Variants in CNTNAP4 observed in about 807,000 individuals in gnomAD.
The protein encoded by CNTNAP4 is contactin associated protein family member 4, also known as contactin-associated protein-like 4.
Under a neutral mutation model 148.4 loss-of-function variants are expected in CNTNAP4, and 98 were observed. The observed-to-expected ratio is 0.66, with a 90% CI of 0.56 to 0.78. The LOEUF (loss-of-function observed/expected upper bound fraction) is 0.78. Ranked by LOEUF, CNTNAP4 falls within the 30% of genes least tolerant of loss-of-function variation. CNTNAP4 has a pLI of 0.00. For synonymous variants in CNTNAP4, 730 were observed against 565.1 expected (o/e 1.29, Z -4.14); for missense variants, 1,935 against 1,565.6 (o/e 1.24, Z -3.98).
At chr16:76,403,745 G>T (rs146868491) in intron 3 of CNTNAP4, among the ~76,000 whole-genome samples, 2 of 152,088 alleles carry the variant, frequency 1.3e-5, no homozygotes, top group African/African-American at 4.8e-5. Context: ...ACACATGCAC[G>T]CAAATGTTTA....
At chr16:76,355,249 C>A in intron 2 of CNTNAP4, 69 bp from the exon 3 acceptor site, 1 of 1,240,022 alleles carries the variant, frequency 8.1e-7, no homozygotes, top group South Asian at 1.8e-5. Context: ...ACTGGCATTT[C>A]TTTACAAACA....
chr16:76,418,453 T>C (rs1340535789), intron 3 of CNTNAP4, among the ~76,000 whole-genome samples: 1 of 151,184 alleles, frequency 6.6e-6, no homozygotes, highest in African/African-American at 2.4e-5. Flanking sequence ...AATCTTCTGA[T>C]CTTTTGTTGG....
At chr16:76,281,428 C>T (rs1958684713) in intron 1 of CNTNAP4, among the ~76,000 whole-genome samples, 1 of 152,022 alleles carries the variant, frequency 6.6e-6, no homozygotes, top group African/African-American at 2.4e-5. Flanking sequence ...TTATTACATG[C>T]ATCTCAATAA....
intron 21 of CNTNAP4, among the ~76,000 whole-genome samples, chr16:76,541,562 C>T (rs2084456268): frequency 6.6e-6 from 1 of 152,120 alleles, no homozygotes; most frequent in African/African-American, 2.4e-5. Context: ...TGACACTAAT[C>T]TGAAATATTT....
chr16:76,460,842 T>C (rs1232988066), intron 8 of CNTNAP4, among the ~76,000 whole-genome samples: 1 of 145,606 alleles, frequency 6.9e-6, no homozygotes, highest in African/African-American at 2.5e-5. Flanking sequence ...CATTGTTTAC[T>C]ATAGTTATGT....
At chr16:76,300,384 C>CTGTGCTGTTGG (rs1959828673) in intron 1 of CNTNAP4, among the ~76,000 whole-genome samples, 1 of 152,080 alleles carries the variant, frequency 6.6e-6, no homozygotes, top group Admixed American at 6.6e-5. Flanking sequence ...GGGAACATCA[C>CTGTGCTGTTGG]ACACCAGGGC....
rs1314078454 is a variant in CNTNAP4 at position 76,540,744 on chromosome 16, C to T, written c.3396C>T (p.Gly1132=). 4 of 1,577,480 alleles carry T rather than the reference C, an allele frequency of 2.5e-6. No homozygotes were observed. The highest frequency in any genetic ancestry group is 2.3e-5 in the South Asian group (2 of 85,802). Residue 1132 remains glycine (G), a synonymous_variant, in exon 21 of 24, where the codon GGC becomes GGT. Transcript: ENST00000611870. The part of the protein sequence containing the change: ...NRRRQVHLSS[G]TEFSAVKSLV... Reference sequence around the variant, plus strand: ...GGAGACAAGTTCACCTGTCATCAGGCACAGAATTCAGTGCAGTCAAATCTC... The same window carrying T: ...GGAGACAAGTTCACCTGTCATCAGGTACAGAATTCAGTGCAGTCAAATCTC...
At chr16:76,545,153 C>T (rs1275585106) in intron 21 of CNTNAP4, among the ~76,000 whole-genome samples, 1 of 152,138 alleles carries the variant, frequency 6.6e-6, no homozygotes, top group Non-Finnish European at 1.5e-5. Flanking sequence ...ATCTATCTTA[C>T]AATCTTTTAA....
chr16:76,388,935 C>T (rs1385467064), intron 3 of CNTNAP4, among the ~76,000 whole-genome samples: 1 of 151,902 alleles, frequency 6.6e-6, no homozygotes, highest in Non-Finnish European at 1.5e-5. Flanking sequence ...GTTCTATGTC[C>T]TTATAGTAAT....
chr16:76,323,047 A>G (rs1962594542), intron 2 of CNTNAP4, among the ~76,000 whole-genome samples: 1 of 151,974 alleles, frequency 6.6e-6, no homozygotes, highest in African/African-American at 2.4e-5. Flanking sequence ...GGGTTTCACC[A>G]TGTTGGCAAG....
rs2082355996 is a variant in CNTNAP4 at position 76,495,083 on chromosome 16, T to C, written c.2237+17T>C. The C allele has an allele frequency of 5.6e-6, 9 of 1,611,206 alleles. No homozygotes were observed. Among genetic ancestry groups the C allele is most frequent in the Non-Finnish European group, 7.6e-6 (9 of 1,178,280 alleles). On this transcript the variant is annotated intron_variant, in intron 14 of 23. Coordinates refer to ENST00000611870, the MANE Select transcript of CNTNAP4 (RefSeq NM_033401.5). Reference sequence around the variant, plus strand: ...GAATGAATGGTGATTTCCATATGATTTCTTTATGCAAGAAAAAGTTCATTT... The same window carrying C: ...GAATGAATGGTGATTTCCATATGATCTCTTTATGCAAGAAAAAGTTCATTT...
At chr16:76,349,679 C>A (rs973344795) in intron 2 of CNTNAP4, among the ~76,000 whole-genome samples, 14 of 152,056 alleles carry the variant, frequency 9.2e-5, no homozygotes, top group African/African-American at 1.9e-4. Flanking sequence ...GGGAAACTTT[C>A]TTATGACAAT....
intron 1 of CNTNAP4, among the ~76,000 whole-genome samples, chr16:76,311,158 TGAACAGCTTTTATTTGCTTATGA>T (rs1961062470): frequency 6.6e-6 from 1 of 152,146 alleles, no homozygotes; most frequent in African/African-American, 2.4e-5. Context: ...TATTAAAAAC[TGAACAGCTTTTATTTGCTTATGA>T]GAATTATGCA....
chr16:76,484,844 A>G (rs1486931622), intron 12 of CNTNAP4, among the ~76,000 whole-genome samples: 1 of 152,188 alleles, frequency 6.6e-6, no homozygotes, highest in Non-Finnish European at 1.5e-5. Context: ...AAATAAGACA[A>G]AATGCTGAAT....
At chr16:76,467,268 T>C (rs1429151890) in intron 9 of CNTNAP4, 84 bp from the exon 10 acceptor site, 1 of 1,211,402 alleles carries the variant, frequency 8.3e-7, no homozygotes, top group Non-Finnish European at 1.2e-6. Flanking sequence ...TATGCCTCTT[T>C]CTTTTATTTT....
chr16:76,417,897 C>T (rs1181616896), intron 3 of CNTNAP4, among the ~76,000 whole-genome samples: 1 of 151,602 alleles, frequency 6.6e-6, no homozygotes, highest in Non-Finnish European at 1.5e-5. Flanking sequence ...TTACTTCTTT[C>T]AATGCTTTAC....
chr16:76,383,121 TTTTA>T (rs1567943647), intron 3 of CNTNAP4, among the ~76,000 whole-genome samples: 1 of 151,958 alleles, frequency 6.6e-6, no homozygotes, highest in African/African-American at 2.4e-5. Context: ...ACTTTTTTTT[TTTTA>T]ATTACTAAAC....
chr16:76,369,077 G>A (rs1177473704), intron 3 of CNTNAP4, among the ~76,000 whole-genome samples: 4 of 149,210 alleles, frequency 2.7e-5, no homozygotes, highest in East Asian at 1.9e-4. Context: ...TATATAAACA[G>A]GCAGTTCATA....
chr16:76,476,704 C>A (rs527650862), intron 11 of CNTNAP4, among the ~76,000 whole-genome samples: 1 of 152,078 alleles, frequency 6.6e-6, no homozygotes, highest in Non-Finnish European at 1.5e-5. Flanking sequence ...TGAGGGATTT[C>A]TCTGGGAAAT....
Sources: allele counts gnomAD v4.1 joint callset (sites outside exome capture counted in the v4.1 genomes callset), GRCh38; gene constraint gnomAD v4.1.1; transcripts MANE v1.5; gene names NCBI Gene and HGNC (gene_info 2026-07-23, HGNC 2026-07-21).